ADRA1B: variants seen among roughly 807,000 people sequenced by gnomAD.
ADRA1B encodes the protein alpha-1B adrenergic receptor.
In ADRA1B, 17 loss-of-function variants were observed where a neutral mutation model predicts 17.9. The ratio of observed to expected loss-of-function variants is 0.95; its 90% CI spans 0.65 to 1.42. The LOEUF is 1.42. ADRA1B is among the 40% of genes most tolerant of loss of function. ADRA1B has a pLI of 0.00. For synonymous variants in ADRA1B, 366 were observed against 327.6 expected, an observed-to-expected ratio of 1.12 and a Z score of -1.27; for missense variants, 681 against 722.1, an observed-to-expected ratio of 0.94 and a Z score of 0.65.
chr5:159,901,861 A>G (rs1441973178), intron 1 of ADRA1B, among the ~76,000 whole-genome samples: 1 of 152,206 alleles, frequency 6.6e-6, no homozygotes, highest in African/African-American at 2.4e-5. Flanking sequence ...ATTGTTAGTG[A>G]GGTTGGGGAG....
At chr5:159,876,715 G>A (rs1278167946) in intron 1 of ADRA1B, among the ~76,000 whole-genome samples, 1 of 152,218 alleles carries the variant, frequency 6.6e-6, no homozygotes, top group Non-Finnish European at 1.5e-5. Flanking sequence ...GTGGCTCTGT[G>A]TTGGAATGCT....
intron 1 of ADRA1B, among the ~76,000 whole-genome samples, chr5:159,871,721 A>G (rs1356308339): frequency 6.6e-6 from 1 of 152,184 alleles, no homozygotes; most frequent in Non-Finnish European, 1.5e-5. Context: ...GTTAGGACTT[A>G]GACGTATCTT....
chr5:159,937,174 CCCA>C (rs1307653711), intron 1 of ADRA1B, among the ~76,000 whole-genome samples: 1 of 152,212 alleles, frequency 6.6e-6, no homozygotes. Flanking sequence ...TTCCTGTTTT[CCCA>C]CTATAGCCAT....
the ADRA1B span, among the ~76,000 whole-genome samples, chr5:159,979,375 G>T: frequency 6.6e-6 from 1 of 152,154 alleles, no homozygotes; most frequent in African/African-American, 2.4e-5. Context: ...TATCTTAAAA[G>T]GTTGTCATGA....
At chr5:159,929,085 T>G (rs1400790836) in intron 1 of ADRA1B, 1 of 152,124 alleles carries the variant, frequency 6.6e-6, no homozygotes, top group African/African-American at 2.4e-5. Flanking sequence ...CCTTTGGCAA[T>G]CTGATGAAGC....
chr5:159,968,612 C>T (rs1336991419), intron 1 of ADRA1B, among the ~76,000 whole-genome samples: 2 of 152,196 alleles, frequency 1.3e-5, no homozygotes, highest in Admixed American at 6.5e-5. Flanking sequence ...GATCCCACCT[C>T]GGGCCATGGC....
rs192117105 is a variant in ADRA1B at position 159,931,329 on chromosome 5, G to C, written c.949+13475G>C. Among the ~76,000 whole-genome samples, 70 of 151,462 alleles carry C rather than the reference G, an allele frequency of 4.6e-4. 2 individuals are homozygous for C. In the East Asian group the frequency reaches 0.01, roughly 22 times the overall value. On this transcript the variant is annotated intron_variant, in intron 1 of 1. Coordinates refer to ENST00000306675, the MANE Select transcript of ADRA1B (RefSeq NM_000679.4). ...GGATCCCTTGAGCCCAGGAGGTCAA[G>C]GGTACAATGAGCCATAACCACACTA... is the stretch of plus-strand genomic sequence containing the variant.
chr5:159,940,213 C>T (rs139607166), intron 1 of ADRA1B, among the ~76,000 whole-genome samples: 2 of 152,346 alleles, frequency 1.3e-5, no homozygotes, highest in African/African-American at 2.4e-5. Flanking sequence ...GCTCCTGAAT[C>T]TTCTTCTAGA....
intron 1 of ADRA1B, among the ~76,000 whole-genome samples, chr5:159,965,010 T>G (rs963442757): frequency 6.6e-6 from 1 of 152,144 alleles, no homozygotes; most frequent in Non-Finnish European, 1.5e-5. Context: ...TTAAGGATCT[T>G]CTCCAAGGTC....
intron 1 of ADRA1B, among the ~76,000 whole-genome samples, chr5:159,887,799 A>G (rs1010271388): frequency 1.3e-5 from 2 of 152,170 alleles, no homozygotes; most frequent in Non-Finnish European, 1.5e-5. Flanking sequence ...GAGGTGGAAT[A>G]TATAGACGTC....
At chr5:159,898,813 C>A (rs1754063733) in intron 1 of ADRA1B, among the ~76,000 whole-genome samples, 1 of 152,102 alleles carries the variant, frequency 6.6e-6, no homozygotes, top group Non-Finnish European at 1.5e-5. Context: ...ACAGTTAAAG[C>A]AAATGGATTT....
chr5:159,902,764 A>G (rs1483790823), intron 1 of ADRA1B, among the ~76,000 whole-genome samples: 1 of 152,210 alleles, frequency 6.6e-6, no homozygotes, highest in Non-Finnish European at 1.5e-5. Context: ...GATGTAATGG[A>G]TCCTCACTTT....
In ADRA1B at chr5:159,916,698, T is replaced by G; in HGVS notation, c.-208T>G. The G allele has an allele frequency of 1.9e-6, 1 of 525,268 alleles. No individual in the cohort carries two copies. The allele number at this position is 525,268 out of a possible 1,614,324, so 32.5% of individuals were successfully genotyped here. ...GCCGCCTCGTCCCCTCTCCTCCTCC[T>G]CCTCCCTCTGACAGGCGAGCGAGCG... On this transcript the variant is annotated 5_prime_UTR_variant, in exon 1 of 2. Coordinates refer to ENST00000306675, the MANE Select transcript of ADRA1B (RefSeq NM_000679.4).
chr5:159,953,125 C>T (rs1314666643), intron 1 of ADRA1B, among the ~76,000 whole-genome samples: 1 of 152,136 alleles, frequency 6.6e-6, no homozygotes, highest in Non-Finnish European at 1.5e-5. Context: ...CTTTGGGAGG[C>T]CAAGGCAGGT....
intron 1 of ADRA1B, among the ~76,000 whole-genome samples, chr5:159,926,780 G>A (rs1026911198): frequency 6.6e-6 from 1 of 152,104 alleles, no homozygotes; most frequent in Non-Finnish European, 1.5e-5. Flanking sequence ...CCAGCTACTT[G>A]GGAGGCTGAG....
At chr5:159,986,212 G>A in the ADRA1B span, among the ~76,000 whole-genome samples, 2 of 152,048 alleles carry the variant, frequency 1.3e-5, no homozygotes, top group Non-Finnish European at 1.5e-5. Context: ...CTCTCACCTC[G>A]GCCTCCCAAG....
At chr5:159,941,853 T>C (rs1240495676) in intron 1 of ADRA1B, among the ~76,000 whole-genome samples, 1 of 151,262 alleles carries the variant, frequency 6.6e-6, no homozygotes, top group Non-Finnish European at 1.5e-5. Context: ...AGAGAGAAAG[T>C]AGATGAGTGT....
chr5:159,936,259 C>A (rs1424353872), intron 1 of ADRA1B, among the ~76,000 whole-genome samples: 1 of 152,196 alleles, frequency 6.6e-6, no homozygotes, highest in African/African-American at 2.4e-5. Flanking sequence ...CCCAACATGT[C>A]AATCATTGTT....
At chr5:159,959,821 A>C (rs1445964947) in intron 1 of ADRA1B, among the ~76,000 whole-genome samples, 1 of 148,868 alleles carries the variant, frequency 6.7e-6, no homozygotes, top group Non-Finnish European at 1.5e-5. Flanking sequence ...AAAAAAAAAA[A>C]CCATTACAAA....
Sources: allele counts gnomAD v4.1 joint callset (sites outside exome capture counted in the v4.1 genomes callset), GRCh38; gene constraint gnomAD v4.1.1; transcripts MANE v1.5; gene names NCBI Gene and HGNC (gene_info 2026-07-23, HGNC 2026-07-21).